Variants in EPHA5 observed in about 807,000 individuals in gnomAD.
EPHA5 encodes EPH receptor A5.
EPHA5 carries 60 observed loss-of-function variants against 105.0 expected under a neutral mutation model. That is an observed-to-expected ratio of 0.57 (90% CI 0.46 to 0.71). EPHA5 has a LOEUF of 0.71. EPHA5 is among the 30% of genes least tolerant of loss of function. The pLI, the probability that EPHA5 is intolerant of heterozygous loss-of-function variation, is 0.00. For synonymous variants in EPHA5, 513 were observed against 449.1 expected (o/e 1.14, Z -1.80); for missense variants, 1,218 against 1,274.7 (o/e 0.96, Z 0.68).
At chr4:65,519,029 C>A (rs1031057682) in intron 3 of EPHA5, among the ~76,000 whole-genome samples, 1 of 152,046 alleles carries the variant, frequency 6.6e-6, no homozygotes, top group Non-Finnish European at 1.5e-5. Context: ...GAATTTTAGA[C>A]CAATATCCTT....
intron 3 of EPHA5, among the ~76,000 whole-genome samples, chr4:65,575,214 A>C (rs978745223): frequency 6.6e-6 from 1 of 152,068 alleles, no homozygotes; most frequent in African/African-American, 2.4e-5. Context: ...TGGTCCACTG[A>C]AAGTTGACAG....
At chr4:65,599,981 A>G (rs1316357312) in intron 3 of EPHA5, among the ~76,000 whole-genome samples, 1 of 152,140 alleles carries the variant, frequency 6.6e-6, no homozygotes. Flanking sequence ...CAAAATAATG[A>G]CAAAGGTCAT....
intron 14 of EPHA5, among the ~76,000 whole-genome samples, chr4:65,344,749 A>G (rs930595472): frequency 4.6e-5 from 7 of 152,214 alleles, no homozygotes; most frequent in African/African-American, 1.7e-4. Context: ...AACATTTGGC[A>G]TTTATCTGAA....
At chr4:65,577,486 G>A (rs1032106008) in intron 3 of EPHA5, among the ~76,000 whole-genome samples, 10 of 152,068 alleles carry the variant, frequency 6.6e-5, no homozygotes, top group Admixed American at 1.3e-4. Context: ...CTACGCATTT[G>A]TTGAGGCTTA....
At chr4:65,406,379 G>A (rs188343309) in intron 7 of EPHA5, among the ~76,000 whole-genome samples, 90 of 152,168 alleles carry the variant, frequency 5.9e-4, no homozygotes, top group East Asian at 1.5e-3. Context: ...ATTGTAAGGC[G>A]TTTGACTTAG....
At chr4:65,358,551 A>G (rs1723526341) in intron 11 of EPHA5, among the ~76,000 whole-genome samples, 2 of 151,610 alleles carry the variant, frequency 1.3e-5, no homozygotes, top group African/African-American at 4.8e-5. Context: ...TTAATGGATA[A>G]TGGTCAACCA....
At chr4:65,338,688 T>C (rs1577851521) in intron 14 of EPHA5, among the ~76,000 whole-genome samples, 1 of 152,194 alleles carries the variant, frequency 6.6e-6, no homozygotes, top group African/African-American at 2.4e-5. Context: ...TAATTCTAAA[T>C]TAATTGTTAG....
At chr4:65,429,595 A>C (rs1485962359) in intron 5 of EPHA5, among the ~76,000 whole-genome samples, 1 of 152,042 alleles carries the variant, frequency 6.6e-6, no homozygotes, top group Non-Finnish European at 1.5e-5. Flanking sequence ...TAGAGAACCT[A>C]TTCATTTTCC....
intron 11 of EPHA5, among the ~76,000 whole-genome samples, chr4:65,359,467 A>G (rs1477897878): frequency 2.0e-5 from 3 of 151,658 alleles, no homozygotes; most frequent in Non-Finnish European, 4.4e-5. Context: ...GCTAATAGGT[A>G]TCTCCAATTT....
chr4:65,586,543 A>C (rs984387783), intron 3 of EPHA5, among the ~76,000 whole-genome samples: 2 of 151,872 alleles, frequency 1.3e-5, no homozygotes, highest in Admixed American at 6.6e-5. Context: ...TTGTCTTTTT[A>C]CTATACATCT....
At chr4:65,484,122 G>T (rs940900773) in intron 5 of EPHA5, among the ~76,000 whole-genome samples, 2 of 152,114 alleles carry the variant, frequency 1.3e-5, no homozygotes, top group African/African-American at 2.4e-5. Flanking sequence ...TATAATAATA[G>T]TCTAAAAGGT....
chr4:65,470,974 A>G (rs923314284), intron 5 of EPHA5, among the ~76,000 whole-genome samples: 2 of 152,180 alleles, frequency 1.3e-5, no homozygotes, highest in Non-Finnish European at 2.9e-5. Flanking sequence ...TGCTGTATTC[A>G]AACTGTGTTC....
chr4:65,378,018 CT>C (rs1345763513), intron 8 of EPHA5, among the ~76,000 whole-genome samples: 6 of 151,644 alleles, frequency 4.0e-5, no homozygotes, highest in Non-Finnish European at 8.8e-5. Context: ...TGTATCTATT[CT>C]TTTTTATATC....
chr4:65,592,308 A>G lies in EPHA5; in HGVS notation c.910+9333T>C, dbSNP rs373655173. 2.6e-5 allele frequency among the ~76,000 whole-genome samples: 4 copies of G among 152,248 alleles called. No homozygotes were observed. In the East Asian group the frequency reaches 7.8e-4, roughly 30 times the overall value. On this transcript the variant is annotated intron_variant, in intron 3 of 16. Coordinates refer to ENST00000613740, the MANE Select transcript of EPHA5 (RefSeq NM_001281766.3). ...AAACAAAGGGAAAGCCAAAGCCTGG[A>G]GTGGTGAGTGCCAGAGCATATCCTT... is the stretch of plus-strand genomic sequence containing the variant.
chr4:65,399,494 T>G (rs2148977048), intron 8 of EPHA5, among the ~76,000 whole-genome samples: 1 of 152,330 alleles, frequency 6.6e-6, no homozygotes, highest in African/African-American at 2.4e-5. Flanking sequence ...CCACAGAGGC[T>G]TCTGCCTGGA....
intron 3 of EPHA5, among the ~76,000 whole-genome samples, chr4:65,576,063 GAAAAGAAAAGA>G (rs1560721188): frequency 3.2e-4 from 18 of 56,040 alleles, no homozygotes; most frequent in South Asian, 1.4e-3. Context: ...AGAAAGAAAA[GAAAAGAAAAGA>G]AAAGAAAAGA....
At chr4:65,400,492 C>A (rs887072237) in intron 8 of EPHA5, among the ~76,000 whole-genome samples, 2 of 152,062 alleles carry the variant, frequency 1.3e-5, no homozygotes, top group African/African-American at 2.4e-5. Context: ...GTCAAGAATT[C>A]TAACATGTTA....
chr4:65,593,518 G>A (rs1742874984), intron 3 of EPHA5, among the ~76,000 whole-genome samples: 1 of 152,136 alleles, frequency 6.6e-6, no homozygotes. Context: ...CTAAAATGTA[G>A]ATCCAGATTT....
At chr4:65,351,678 C>G in intron 12 of EPHA5, 80 bp from the exon 13 acceptor site, 1 of 1,218,276 alleles carries the variant, frequency 8.2e-7, no homozygotes, top group Non-Finnish European at 1.2e-6. Flanking sequence ...TTCAATCCCC[C>G]AAATTGATAC....
Sources: allele counts gnomAD v4.1 joint callset (sites outside exome capture counted in the v4.1 genomes callset), GRCh38; gene constraint gnomAD v4.1.1; transcripts MANE v1.5; gene names NCBI Gene and HGNC (gene_info 2026-07-23, HGNC 2026-07-21).